Variants in CACNB1 observed in about 807,000 individuals in gnomAD.
CACNB1 encodes the protein calcium voltage-gated channel auxiliary subunit beta 1.
In CACNB1, 29 loss-of-function variants were observed where a neutral mutation model predicts 71.6. The ratio of observed to expected loss-of-function variants is 0.40; its 90% CI spans 0.30 to 0.55. The LOEUF is 0.55. Ranked by LOEUF, CACNB1 falls within the 20% of genes least tolerant of loss-of-function variation. CACNB1 has a pLI of 0.38. For synonymous variants in CACNB1, 300 were observed against 319.6 expected (o/e 0.94, Z 0.65); for missense variants, 623 against 801.8 (o/e 0.78, Z 2.69).
chr17:39,184,392 GGGGGTTTGTGGGGA>G lies in CACNB1; in HGVS notation c.730-23_730-10del. ...TGCATCATGTCTGTAACCTGGGGGT[GGGGGTTTGTGGGGA>G]GGGAGGGAGGAGAAGGCAGGCATTT... On this transcript the variant is annotated splice_polypyrimidine_tract_variant and intron_variant, in intron 8 of 13. Coordinates refer to ENST00000394303, the MANE Select transcript of CACNB1 (RefSeq NM_000723.5). The G allele has an allele frequency of 7.1e-7, 1 of 1,411,688 alleles. No homozygotes were observed. The highest frequency in any genetic ancestry group is 9.8e-7 in the Non-Finnish European group (1 of 1,020,390). 87.4% of individuals were successfully genotyped at this position (1,411,688 alleles called of 1,614,324 possible). A position where few individuals can be genotyped will look rare whatever the true frequency, so the allele number is the denominator to read the frequency against.
Position 39,186,639 on chromosome 17 carries a change from A to G in CACNB1, c.552-67T>C. 3 of 1,519,818 alleles carry G rather than the reference A, an allele frequency of 2.0e-6. No homozygotes were observed. The highest frequency in any genetic ancestry group is 1.2e-5 in the South Asian group (1 of 85,898). The allele number at this position is 1,519,818 out of a possible 1,614,324, so 94.1% of individuals were successfully genotyped here. A position where few individuals can be genotyped will look rare whatever the true frequency, so the allele number is the denominator to read the frequency against. ...GGGCGTGGGGGGCTCTCATCCTCTC[A>G]CATGCGGCACCCCCGGAGGTGCTCC... On this transcript the variant is annotated intron_variant, in intron 5 of 13. Transcript: ENST00000394303. The surrounding 1 kb of genome is among the most constrained non-coding windows in gnomAD (Gnocchi z 4.1).
rs1260882180 is a variant in CACNB1, at chr17:39,175,177, G to A, written c.*16C>T. 1.9e-6 allele frequency: 3 copies of A among 1,588,000 alleles called. No individual in the cohort carries two copies. Among genetic ancestry groups the A allele is most frequent in the Non-Finnish European group, 2.6e-6 (3 of 1,162,274 alleles). On this transcript the variant is annotated 3_prime_UTR_variant, in exon 14 of 14. Transcript: ENST00000394303. The surrounding 1 kb of genome is among the most constrained non-coding windows in gnomAD (Gnocchi z 4.7). ...TGGGCTCAGAGCCCTTCCTCCCGCC[G>A]TGTGGCCCCTGCCTCTCAGCGAATG...
chr17:39,191,532 C>G lies in CACNB1; in HGVS notation c.233G>C (p.Arg78Pro). 1.9e-6 allele frequency: 3 copies of G among 1,610,454 alleles called. No homozygotes were observed. Among genetic ancestry groups the G allele is most frequent in the Non-Finnish European group, 2.5e-6 (3 of 1,178,866 alleles). ...CTCTGCTTCCTTCCTTAAGGCTTCC[C>G]GGTCCTCCTCCAGAGATACATCAGA... ...SDSDVSLEED[R>P]EALRKEAERQ... Residue 78 changes from arginine (R) to proline (P), a missense_variant, in exon 3 of 14, where the codon CGG becomes CCG. Transcript: ENST00000394303.
intron 8 of CACNB1, 128 bp from the exon 9 acceptor site, chr17:39,184,511 G>A (rs893971076): frequency 1.6e-5 from 11 of 667,718 alleles, no homozygotes; most frequent in Admixed American, 6.5e-5. Context: ...TACGGCGGGC[G>A]GGGGTCTGAG....
rs1567801697 is a variant in CACNB1 at position 39,184,835 on chromosome 17, C to T, written c.678G>A (p.Val226=). The T allele has an allele frequency of 1.2e-6, 2 of 1,611,996 alleles. No individual in the cohort carries two copies. Among genetic ancestry groups the T allele is most frequent in the East Asian group, 4.5e-5 (2 of 44,826 alleles). Residue 226 remains valine, a synonymous_variant, in exon 8 of 14, where the codon GTG becomes GTA. Transcript: ENST00000394303. ...CCAGGATGATGGGCCTCATGGAAGG[C>T]ACCACGTCATAGGGGGGCACATGCT... ...STEHVPPYDV[V]PSMRPIILVG...
At chr17:39,183,593 A>G in intron 11 of CACNB1, 120 bp downstream of exon 11, 1 of 824,086 alleles carries the variant, frequency 1.2e-6, no homozygotes, top group Non-Finnish European at 1.9e-6. Flanking sequence ...TTTACAGAGA[A>G]GGAAACTAAG....
chr17:39,195,008 A>G, intron 1 of CACNB1, 38 bp from the exon 2 acceptor site: 1 of 1,454,356 alleles, frequency 6.9e-7, no homozygotes, highest in Non-Finnish European at 9.6e-7. Context: ...TAGAATCAGA[A>G]GGGCCCTTTC....
chr17:39,184,688 G>A (rs930478298), intron 8 of CACNB1, 96 bp downstream of exon 8: 8 of 892,590 alleles, frequency 9.0e-6, no homozygotes, highest in Non-Finnish European at 1.5e-5. Context: ...CCTCCTGGGA[G>A]GATGCCTTGG....
chr17:39,185,663 C>T (rs1392735037), intron 6 of CACNB1, among the ~76,000 whole-genome samples: 1 of 151,968 alleles, frequency 6.6e-6, no homozygotes, highest in Non-Finnish European at 1.5e-5. Flanking sequence ...CCAGAGCAGG[C>T]CCCTGGGAGT....
At chr17:39,191,766 T>C in intron 2 of CACNB1, 173 bp from the exon 3 acceptor site, 1 of 603,088 alleles carries the variant, frequency 1.7e-6, no homozygotes, top group South Asian at 2.2e-5. Flanking sequence ...GAGCTGAGAT[T>C]TCTCAGGCCC....
chr17:39,177,150 T>C (rs540958552), intron 13 of CACNB1, 200 bp downstream of exon 13: 1 of 1,429,446 alleles, frequency 7.0e-7, no homozygotes, highest in East Asian at 2.5e-5. Flanking sequence ...GCTCATCTTA[T>C]TTTTTTACAA....
Position 39,175,736 on chromosome 17 carries a change from G to T in CACNB1, c.1333-79C>A. 1 of 1,199,998 alleles carries T rather than the reference G, an allele frequency of 8.3e-7. No individual in the cohort carries two copies. The highest frequency in any genetic ancestry group is 1.2e-6 in the Non-Finnish European group (1 of 857,456). 74.3% of individuals were successfully genotyped at this position (1,199,998 alleles called of 1,614,324 possible). Reference sequence around the variant, plus strand: ...ACACAACAAAGCAAGGCAAGTTAGTGACAGCATTAAGAGGTCCGGCCTGGA... The same window carrying T: ...ACACAACAAAGCAAGGCAAGTTAGTTACAGCATTAAGAGGTCCGGCCTGGA... On this transcript the variant is annotated intron_variant, in intron 13 of 13. Transcript: ENST00000394303. This position sits in a 1 kb window ranked among gnomAD's most constrained non-coding sequence, Gnocchi z 4.7.
chr17:39,186,508 G>T lies in CACNB1; in HGVS notation c.616C>A (p.Pro206Thr). The stretch of plus-strand genomic sequence containing the variant: ...CGATGGCTCTTACCACTGGCAGGGG[G>T]TGTGGGGCGGCGGGTGCCAGTCACC... ...DVVTGTRRPTPPASAKQKQKS... is the reference protein window; with the variant it reads ...DVVTGTRRPTTPASAKQKQKS... Residue 206 changes from proline (P) to threonine (T), a missense_variant, in exon 6 of 14, where the codon CCC (proline) becomes ACC (threonine). Pro to Thr is a conservative substitution (Grantham distance 38). Transcript: ENST00000394303. The surrounding 1 kb of genome is among the most constrained non-coding windows in gnomAD (Gnocchi z 4.1). 1.9e-6 allele frequency: 3 copies of T among 1,612,976 alleles called. No homozygotes were observed. Among genetic ancestry groups the T allele is most frequent in the Non-Finnish European group, 2.5e-6 (3 of 1,179,342 alleles).
intron 3 of CACNB1, among the ~76,000 whole-genome samples, chr17:39,188,239 C>A (rs184074488): frequency 6.6e-6 from 1 of 151,490 alleles, no homozygotes; most frequent in Non-Finnish European, 1.5e-5. Context: ...GCCAAGATGG[C>A]ACCACTGCAC....
In CACNB1 at chr17:39,186,322, G is replaced by T; in HGVS notation, c.628+174C>A. 1.6e-6 allele frequency: 1 copy of T among 635,882 alleles called. No homozygotes were observed. The allele number at this position is 635,882 out of a possible 1,614,324, so 39.4% of individuals were successfully genotyped here. A position where few individuals can be genotyped will look rare whatever the true frequency, so the allele number is the denominator to read the frequency against. On this transcript the variant is annotated intron_variant, in intron 6 of 13. Coordinates refer to ENST00000394303, the MANE Select transcript of CACNB1 (RefSeq NM_000723.5). This position sits in a 1 kb window ranked among gnomAD's most constrained non-coding sequence, Gnocchi z 4.1. Reference sequence around the variant, plus strand: ...CAAAGAAAAGGGAGAGGAGAGACATGACAGGCCCAGCTTGAGGGGTAGCCT... The same window carrying T: ...CAAAGAAAAGGGAGAGGAGAGACATTACAGGCCCAGCTTGAGGGGTAGCCT...
chr17:39,181,339 C>T lies in CACNB1; in HGVS notation c.1050+2374G>A, dbSNP rs1477585261. 4.6e-5 allele frequency among the ~76,000 whole-genome samples: 7 copies of T among 152,248 alleles called. No individual in the cohort carries two copies. In the South Asian group the frequency reaches 8.3e-4, roughly 18 times the overall value. ...GAACTCTTTAGCTCAGGCAATCCGCCGGCCTCGGGCTCCCAAGGTGCTGAG... is the reference window on the plus strand; with the variant it reads ...GAACTCTTTAGCTCAGGCAATCCGCTGGCCTCGGGCTCCCAAGGTGCTGAG... On this transcript the variant is annotated intron_variant, in intron 11 of 13. Transcript: ENST00000394303.
chr17:39,182,825 G>T, intron 11 of CACNB1: 1 of 341,128 alleles, frequency 2.9e-6, no homozygotes, highest in Non-Finnish European at 4.1e-6. Flanking sequence ...CTTTATAGGT[G>T]AAGAAATAGA....
At chr17:39,183,906 C>A (rs2045857200) in intron 10 of CACNB1, 42 bp from the exon 11 acceptor site, 5 of 1,599,524 alleles carry the variant, frequency 3.1e-6, no homozygotes, top group East Asian at 4.5e-5. Flanking sequence ...TGTCAGGTGG[C>A]CTCCCAGGAA....
intron 10 of CACNB1, 69 bp from the exon 11 acceptor site, chr17:39,183,933 C>A: frequency 6.4e-7 from 1 of 1,570,920 alleles, no homozygotes; most frequent in South Asian, 1.1e-5. Context: ...GTGGAGGGAA[C>A]ACTTCTGGAG....
Sources: allele counts gnomAD v4.1 joint callset (sites outside exome capture counted in the v4.1 genomes callset), GRCh38; gene constraint gnomAD v4.1.1; non-coding constraint Gnocchi (gnomAD v3.1); transcripts MANE v1.5; gene names NCBI Gene and HGNC (gene_info 2026-07-23, HGNC 2026-07-21).